Variants in ENTREP2 observed in about 807,000 individuals in gnomAD.
The protein encoded by ENTREP2 is protein ENTREP2.
chr15:29,188,214 A>ATCT, the ENTREP2 span, among the ~76,000 whole-genome samples: 575 of 152,104 alleles, frequency 3.8e-3, 2 homozygotes, highest in African/African-American at 0.013. Flanking sequence ...GCACTAGGTA[A>ATCT]TCTTTTTGTT....
chr15:29,260,541 A>G, the ENTREP2 span, among the ~76,000 whole-genome samples: 17 of 152,212 alleles, frequency 1.1e-4, no homozygotes, highest in Admixed American at 1.1e-3. Flanking sequence ...GCACATCATC[A>G]TCTCAACACA....
the ENTREP2 span, chr15:29,570,486 C>A: frequency 7.7e-7 from 1 of 1,290,354 alleles, no homozygotes. Context: ...CCCGTCCCCG[C>A]CTGGTCGCGG....
the ENTREP2 span, among the ~76,000 whole-genome samples, chr15:29,524,554 C>T: frequency 0.013 from 1,910 of 152,242 alleles, 41 homozygotes; most frequent in African/African-American, 0.043. Flanking sequence ...TATTAGAAGC[C>T]GTAGGTCACG....
the ENTREP2 span, among the ~76,000 whole-genome samples, chr15:29,407,915 G>A: frequency 6.6e-6 from 1 of 152,018 alleles, no homozygotes. Flanking sequence ...CTGACCTCCA[G>A]GTGATCCACC....
the ENTREP2 span, among the ~76,000 whole-genome samples, chr15:29,650,112 G>A: frequency 1.3e-5 from 2 of 152,018 alleles, no homozygotes; most frequent in African/African-American, 4.8e-5. Flanking sequence ...TGCGCTAAAG[G>A]TTGCCTGTAA....
At chr15:29,524,614 A>C in the ENTREP2 span, among the ~76,000 whole-genome samples, 1 of 152,172 alleles carries the variant, frequency 6.6e-6, no homozygotes, top group Non-Finnish European at 1.5e-5. Flanking sequence ...ATTAGGATGA[A>C]CCTGGGCACT....
At chr15:29,656,596 T>C in the ENTREP2 span, among the ~76,000 whole-genome samples, 2 of 152,210 alleles carry the variant, frequency 1.3e-5, no homozygotes, top group African/African-American at 4.8e-5. Flanking sequence ...AATGGAAAGA[T>C]GCTCAACATA....
At chr15:29,404,638 T>C in the ENTREP2 span, among the ~76,000 whole-genome samples, 1 of 148,746 alleles carries the variant, frequency 6.7e-6, no homozygotes, top group African/African-American at 2.5e-5. Context: ...TCCCCTCCCC[T>C]CCTCGCAGTA....
the ENTREP2 span, among the ~76,000 whole-genome samples, chr15:29,648,042 C>A: frequency 6.6e-6 from 1 of 152,192 alleles, no homozygotes; most frequent in Non-Finnish European, 1.5e-5. Context: ...CTGACCTTGT[C>A]ACTTTGAAAT....
the ENTREP2 span, among the ~76,000 whole-genome samples, chr15:29,307,274 A>G: frequency 7.1e-6 from 1 of 140,946 alleles, no homozygotes; most frequent in African/African-American, 2.9e-5. Context: ...TGATCATGTC[A>G]TGCTTCAGCT....
chr15:29,407,842 G>GT, the ENTREP2 span, among the ~76,000 whole-genome samples: 1,788 of 151,514 alleles, frequency 0.012, 9 homozygotes, highest in Middle Eastern at 0.027. Context: ...ATTTTTTGGG[G>GT]TTTTTTTTGC....
chr15:29,216,988 C>T, the ENTREP2 span, among the ~76,000 whole-genome samples: 3 of 152,104 alleles, frequency 2.0e-5, no homozygotes, highest in South Asian at 6.2e-4. Context: ...CTCGATTTAA[C>T]TTTTATATCT....
the ENTREP2 span, among the ~76,000 whole-genome samples, chr15:29,394,918 T>G: frequency 6.7e-6 from 1 of 149,626 alleles, no homozygotes; most frequent in East Asian, 2.0e-4. Flanking sequence ...GAGACAGTTT[T>G]GTTCTGTCGC....
chr15:29,439,719 A>T, the ENTREP2 span, among the ~76,000 whole-genome samples: 1 of 152,134 alleles, frequency 6.6e-6, no homozygotes, highest in Non-Finnish European at 1.5e-5. Flanking sequence ...GCTTTAACTC[A>T]CGTCCACTAA....
chr15:29,118,622 C>T, the ENTREP2 span, among the ~76,000 whole-genome samples: 1 of 152,226 alleles, frequency 6.6e-6, no homozygotes, highest in Non-Finnish European at 1.5e-5. Context: ...AGAGCACTCA[C>T]TAATGGAATG....
the ENTREP2 span, among the ~76,000 whole-genome samples, chr15:29,353,055 T>C: frequency 6.6e-6 from 1 of 152,198 alleles, no homozygotes; most frequent in Non-Finnish European, 1.5e-5. Flanking sequence ...GGCACATGAA[T>C]ATCAGTTATA....
the ENTREP2 span, among the ~76,000 whole-genome samples, chr15:29,516,981 A>AC: frequency 2.0e-4 from 31 of 151,524 alleles, no homozygotes; most frequent in Non-Finnish European, 2.9e-5. Flanking sequence ...AAAAAAAAAA[A>AC]AAAAAACTAC....
the ENTREP2 span, among the ~76,000 whole-genome samples, chr15:29,356,296 ATTTTTTTT>A: frequency 5.8e-4 from 20 of 34,382 alleles, no homozygotes; most frequent in African/African-American, 8.8e-4. Flanking sequence ...ATATATATAT[ATTTTTTTT>A]TTTTTTTTTT....
At chr15:29,271,853 C>T in the ENTREP2 span, among the ~76,000 whole-genome samples, 3 of 152,100 alleles carry the variant, frequency 2.0e-5, no homozygotes, top group Non-Finnish European at 4.4e-5. Flanking sequence ...GTCTGCGGCT[C>T]GTCCTGCTAC....
Sources: allele counts gnomAD v4.1 joint callset (sites outside exome capture counted in the v4.1 genomes callset), GRCh38; gene constraint gnomAD v4.1.1; transcripts MANE v1.5; gene names NCBI Gene and HGNC (gene_info 2026-07-23, HGNC 2026-07-21).